LMO7: variants seen among roughly 807,000 people sequenced by gnomAD.
The protein encoded by LMO7 is LIM domain 7.
LMO7 carries 120 observed loss-of-function variants against 206.5 expected under a neutral mutation model. The observed-to-expected ratio is 0.58, with a 90% CI of 0.50 to 0.68. LMO7 has a LOEUF of 0.68. Ranked by LOEUF, LMO7 falls within the 30% of genes least tolerant of loss-of-function variation. The probability of loss-of-function intolerance (pLI) is 0.00; values close to 1 mark genes in which losing one functional copy is unlikely to be tolerated. For missense variants in LMO7, 1,959 were observed against 1,957.9 expected (o/e 1.00, Z -0.01); for synonymous variants, 706 against 681.5 (o/e 1.04, Z -0.56).
chr13:75,648,879 G>A (rs144848519), intron 1 of LMO7, among the ~76,000 whole-genome samples: 35 of 152,324 alleles, frequency 2.3e-4, no homozygotes, highest in African/African-American at 7.9e-4. Flanking sequence ...TCCTGTCAGG[G>A]AGGAAACAGC....
At chr13:75,698,602 G>GTTT (rs572194746) in intron 1 of LMO7, among the ~76,000 whole-genome samples, 4 of 134,998 alleles carry the variant, frequency 3.0e-5, no homozygotes, top group African/African-American at 5.4e-5. Context: ...ATATATTTAA[G>GTTT]TTTTTTTTTT....
intron 17 of LMO7, 77 bp from the exon 18 acceptor site, chr13:75,835,156 G>T: frequency 6.3e-7 from 1 of 1,580,600 alleles, no homozygotes; most frequent in Non-Finnish European, 8.6e-7. Flanking sequence ...AATCAGACTG[G>T]GGCAAAGACC....
intron 3 of LMO7, among the ~76,000 whole-genome samples, chr13:75,753,358 G>A (rs1262470716): frequency 1.3e-5 from 2 of 152,144 alleles, no homozygotes; most frequent in East Asian, 3.9e-4. Flanking sequence ...CATTCCACAG[G>A]TGACCTTTTC....
At chr13:75,622,629 A>T (rs1237659184) in intron 1 of LMO7, among the ~76,000 whole-genome samples, 1 of 152,228 alleles carries the variant, frequency 6.6e-6, no homozygotes, top group Non-Finnish European at 1.5e-5. Flanking sequence ...TGCTTAGGGC[A>T]GGTGTCACAC....
In LMO7 at chr13:75,844,808, C is replaced by T. The variant is rs554558166; in HGVS notation, c.4098-519C>T. Among the ~76,000 whole-genome samples the T allele has an allele frequency of 3.9e-5, 6 of 152,272 alleles. No homozygotes were observed. In the East Asian group the frequency reaches 5.8e-4, roughly 15 times the overall value. On this transcript the variant is annotated intron_variant, in intron 25 of 30. Coordinates refer to ENST00000377534, the MANE Select transcript of LMO7 (RefSeq NM_001306080.2). ...ACATTTTATTGGTACAAACTTAAGG[C>T]GTTTCCAGAAGTTGACTGTGCTGTA...
chr13:75,755,895 T>C (rs2047651908), intron 3 of LMO7, among the ~76,000 whole-genome samples: 1 of 152,090 alleles, frequency 6.6e-6, no homozygotes, highest in Non-Finnish European at 1.5e-5. Flanking sequence ...ATTCTTCTTG[T>C]GGATTATAGT....
At chr13:75,839,480 TAGGTCCC>T (rs1019331283) in intron 20 of LMO7, among the ~76,000 whole-genome samples, 13 of 152,242 alleles carry the variant, frequency 8.5e-5, no homozygotes, top group Admixed American at 6.5e-5. Context: ...TATACTTACA[TAGGTCCC>T]CTAAGAATAA....
At chr13:75,727,954 C>G (rs933892197) in intron 3 of LMO7, among the ~76,000 whole-genome samples, 2 of 152,000 alleles carry the variant, frequency 1.3e-5, no homozygotes, top group African/African-American at 4.8e-5. Flanking sequence ...AGGACATGAA[C>G]GCATCATTTT....
At position 75,819,494 on chromosome 13, in the gene LMO7, T is replaced by C; in HGVS notation, c.2166T>C (p.Ser722=). 1.2e-6 allele frequency: 2 copies of C among 1,612,558 alleles called. No homozygotes were observed. Among genetic ancestry groups the C allele is most frequent in the Non-Finnish European group, 1.7e-6 (2 of 1,179,614 alleles). ...EEIEKQALEK[S]KRSSKTFKEM... ...TTGAAAAGCAGGCACTTGAGAAGTCTAAGAGAAGCTCTAAGACGTTTAAGG... is the reference window on the plus strand; with the variant it reads ...TTGAAAAGCAGGCACTTGAGAAGTCCAAGAGAAGCTCTAAGACGTTTAAGG... The change falls in exon 13 of 31, where the codon TCT becomes TCC. Residue 722 remains serine (S), a synonymous_variant. Coordinates refer to ENST00000377534, the MANE Select transcript of LMO7 (RefSeq NM_001306080.2).
chr13:75,641,702 T>TG (rs967136523), intron 1 of LMO7, among the ~76,000 whole-genome samples: 2 of 152,234 alleles, frequency 1.3e-5, no homozygotes, highest in African/African-American at 2.4e-5. Flanking sequence ...TTGCCCAGGC[T>TG]GGAGTGCAGT....
At chr13:75,716,168 T>C (rs2043516123) in intron 2 of LMO7, among the ~76,000 whole-genome samples, 1 of 152,134 alleles carries the variant, frequency 6.6e-6, no homozygotes, top group South Asian at 2.1e-4. Context: ...TTTCAGCAAT[T>C]TTAAAAAAAT....
At chr13:75,842,481 T>C (rs1363937435) in intron 24 of LMO7, among the ~76,000 whole-genome samples, 1 of 152,206 alleles carries the variant, frequency 6.6e-6, no homozygotes, top group East Asian at 1.9e-4. Context: ...TCTTTCTCTC[T>C]GTATACTCTT....
At chr13:75,748,795 T>TTTTC (rs111332093) in intron 3 of LMO7, among the ~76,000 whole-genome samples, 40 of 150,084 alleles carry the variant, frequency 2.7e-4, no homozygotes, top group East Asian at 5.8e-4. Context: ...AGACTGTCTT[T>TTTTC]TTTCTTTCTT....
intron 4 of LMO7, among the ~76,000 whole-genome samples, chr13:75,792,680 C>T (rs1472751093): frequency 6.6e-6 from 1 of 152,136 alleles, no homozygotes. Flanking sequence ...GCTTGGTTAC[C>T]GACTTCCATG....
chr13:75,677,816 C>T (rs1455073477), intron 1 of LMO7, among the ~76,000 whole-genome samples: 9 of 135,672 alleles, frequency 6.6e-5, no homozygotes, highest in East Asian at 2.2e-4. Flanking sequence ...CAACAGTCCC[C>T]GGTGTGTGAT....
intron 4 of LMO7, among the ~76,000 whole-genome samples, chr13:75,780,901 C>G (rs141801402): frequency 2.1e-4 from 32 of 152,236 alleles, no homozygotes; most frequent in Admixed American, 2.6e-4. Context: ...TACTATTGCT[C>G]AATTCCTCCA....
chr13:75,753,236 A>T (rs1178056028), intron 3 of LMO7, among the ~76,000 whole-genome samples: 1 of 152,078 alleles, frequency 6.6e-6, no homozygotes, highest in Non-Finnish European at 1.5e-5. Flanking sequence ...AAAAAGGTTT[A>T]TTCATATCCT....
At chr13:75,805,853 C>T (rs1353051126) in intron 9 of LMO7, 93 bp downstream of exon 9, 1 of 1,321,784 alleles carries the variant, frequency 7.6e-7, no homozygotes, top group African/African-American at 1.5e-5. Flanking sequence ...ATAAGAGAGA[C>T]AGAGAAAGTC....
intron 1 of LMO7, among the ~76,000 whole-genome samples, chr13:75,637,042 C>T (rs1224648708): frequency 6.6e-6 from 1 of 152,188 alleles, no homozygotes; most frequent in Non-Finnish European, 1.5e-5. Flanking sequence ...CTGGCTCGCC[C>T]GGGGCGTCTC....
Sources: gnomAD v4.1 joint callset for allele counts (sites outside exome capture counted in the v4.1 genomes callset) on GRCh38, gnomAD v4.1.1 for gene constraint, MANE v1.5 for transcripts, NCBI Gene and HGNC (gene_info 2026-07-23, HGNC 2026-07-21) for gene names.